Variants in CNTNAP2 observed in about 807,000 individuals in gnomAD.
CNTNAP2 encodes contactin-associated protein-like 2.
Under a neutral mutation model 155.2 loss-of-function variants are expected in CNTNAP2, and 98 were observed. The ratio of observed to expected loss-of-function variants is 0.63; its 90% CI spans 0.54 to 0.75. The LOEUF (loss-of-function observed/expected upper bound fraction) is 0.75. Among genes scored for constraint, CNTNAP2 ranks in the 30% least tolerant of loss-of-function variants. The pLI, the probability that CNTNAP2 is intolerant of heterozygous loss-of-function variation, is 0.00. For missense variants in CNTNAP2, 1,727 were observed against 1,688.1 expected (o/e 1.02, Z -0.40); for synonymous variants, 651 against 631.2 (o/e 1.03, Z -0.47).
At chr7:146,224,832 T>A (rs1163001081) in intron 1 of CNTNAP2, among the ~76,000 whole-genome samples, 3 of 152,184 alleles carry the variant, frequency 2.0e-5, no homozygotes, top group African/African-American at 7.2e-5. Context: ...TGTCTTTTGT[T>A]TTGATCTCAG....
intron 13 of CNTNAP2, among the ~76,000 whole-genome samples, chr7:147,730,977 C>A: frequency 6.6e-6 from 1 of 152,084 alleles, no homozygotes; most frequent in East Asian, 1.9e-4. Context: ...CAGAGCAAGG[C>A]CCTAACTCTC....
chr7:147,514,244 C>A (rs925303030), intron 11 of CNTNAP2, among the ~76,000 whole-genome samples: 1 of 151,972 alleles, frequency 6.6e-6, no homozygotes, highest in African/African-American at 2.4e-5. Context: ...AATTAGATCA[C>A]AGTTTTTTGG....
intron 9 of CNTNAP2, among the ~76,000 whole-genome samples, chr7:147,359,666 A>G (rs1796115377): frequency 6.6e-6 from 1 of 152,072 alleles, no homozygotes; most frequent in African/African-American, 2.4e-5. Flanking sequence ...CTGCCCCAGG[A>G]TCTTTGCACT....
intron 15 of CNTNAP2, among the ~76,000 whole-genome samples, chr7:148,106,495 TATATATA>T (rs1185567159): frequency 0.016 from 255 of 15,902 alleles, 6 homozygotes; most frequent in African/African-American, 0.02. Context: ...CACTTTGAGA[TATATATA>T]TATATATATA....
intron 3 of CNTNAP2, among the ~76,000 whole-genome samples, chr7:146,862,642 A>T (rs1051616954): frequency 6.6e-6 from 1 of 152,222 alleles, no homozygotes; most frequent in African/African-American, 2.4e-5. Context: ...GATATCACAG[A>T]CAACTCTCAA....
chr7:147,090,699 T>A (rs1474566429), intron 4 of CNTNAP2, among the ~76,000 whole-genome samples: 1 of 152,186 alleles, frequency 6.6e-6, no homozygotes, highest in Non-Finnish European at 1.5e-5. Context: ...TTAAAACAAT[T>A]GATATAATTA....
rs143592610 is a variant in CNTNAP2 at position 147,011,444 on chromosome 7, A to AG, written c.403-32461dup. 4.5e-3 allele frequency among the ~76,000 whole-genome samples: 578 copies of AG among 127,598 alleles called. 79 individuals are homozygous for AG. Among genetic ancestry groups the AG allele is most frequent in the South Asian group, 0.014 (55 of 3,796 alleles). 83.7% of individuals were successfully genotyped at this position (127,598 alleles called of 152,430 possible). On this transcript the variant is annotated intron_variant, in intron 3 of 23. Transcript: ENST00000361727. ...AAAAAAAAAAAAAAAAAAAAAAAAA[A>AG]GGAACAAGGTTGTGAGGGTAACAGA... is the stretch of plus-strand genomic sequence containing the variant.
chr7:148,039,209 C>T (rs1802625301), intron 15 of CNTNAP2, among the ~76,000 whole-genome samples: 1 of 152,144 alleles, frequency 6.6e-6, no homozygotes, highest in Non-Finnish European at 1.5e-5. Context: ...GCCTGAGAAC[C>T]CAGGTGGCCA....
chr7:147,035,851 A>G (rs1399888643), intron 3 of CNTNAP2, among the ~76,000 whole-genome samples: 1 of 130,492 alleles, frequency 7.7e-6, no homozygotes, highest in Non-Finnish European at 1.7e-5. Context: ...TTCAAACCCC[A>G]TAATAGTAAA....
At chr7:147,077,735 A>C (rs1345140186) in intron 4 of CNTNAP2, among the ~76,000 whole-genome samples, 2 of 152,114 alleles carry the variant, frequency 1.3e-5, no homozygotes, top group African/African-American at 2.4e-5. Flanking sequence ...TCTGTGCCTC[A>C]GTTTTCTTAC....
At chr7:147,130,450 C>T (rs923206468) in intron 7 of CNTNAP2, among the ~76,000 whole-genome samples, 3 of 151,494 alleles carry the variant, frequency 2.0e-5, no homozygotes, top group African/African-American at 4.9e-5. Context: ...AGACTCTGTC[C>T]CCCCAAAAAT....
intron 1 of CNTNAP2, among the ~76,000 whole-genome samples, chr7:146,607,179 TAGTC>T (rs1375516146): frequency 2.0e-5 from 3 of 152,188 alleles, no homozygotes; most frequent in Non-Finnish European, 4.4e-5. Context: ...GAAACAGTGA[TAGTC>T]TGTCAAAGTT....
intron 3 of CNTNAP2, among the ~76,000 whole-genome samples, chr7:146,842,993 A>ATTTTTTTT (rs1257696854): frequency 1.1e-3 from 27 of 24,226 alleles, no homozygotes; most frequent in Non-Finnish European, 1.9e-3. Context: ...CCTGTCCCAC[A>ATTTTTTTT]CTTTTTTTTT....
At chr7:147,241,951 C>T (rs1382837757) in intron 8 of CNTNAP2, among the ~76,000 whole-genome samples, 1 of 152,202 alleles carries the variant, frequency 6.6e-6, no homozygotes, top group South Asian at 2.1e-4. Flanking sequence ...TATTGAAACA[C>T]GTTTATAAAG....
intron 1 of CNTNAP2, among the ~76,000 whole-genome samples, chr7:146,637,298 C>T (rs1223124563): frequency 6.6e-6 from 1 of 152,170 alleles, no homozygotes; most frequent in Admixed American, 6.5e-5. Flanking sequence ...ACATATTACA[C>T]ATGAAAACTA....
intron 3 of CNTNAP2, among the ~76,000 whole-genome samples, chr7:146,905,487 G>A (rs905242120): frequency 6.6e-6 from 1 of 152,126 alleles, no homozygotes; most frequent in South Asian, 2.1e-4. Context: ...GAAGTTTGGA[G>A]TAAAATTCTT....
At chr7:147,054,772 A>G (rs1427160041) in intron 4 of CNTNAP2, among the ~76,000 whole-genome samples, 1 of 152,168 alleles carries the variant, frequency 6.6e-6, no homozygotes, top group Non-Finnish European at 1.5e-5. Context: ...AGCAATTTAA[A>G]TTACTTGAAT....
chr7:146,852,832 A>C (rs1402266698), intron 3 of CNTNAP2, among the ~76,000 whole-genome samples: 1 of 152,166 alleles, frequency 6.6e-6, no homozygotes, highest in Non-Finnish European at 1.5e-5. Flanking sequence ...CATTCCCTCC[A>C]CTTCAGATAT....
At chr7:147,381,530 A>G (rs897539602) in intron 9 of CNTNAP2, among the ~76,000 whole-genome samples, 1 of 152,102 alleles carries the variant, frequency 6.6e-6, no homozygotes, top group African/African-American at 2.4e-5. Context: ...CATTTTCTCT[A>G]TTTATCAATA....
Sources: gnomAD v4.1 joint callset for allele counts (sites outside exome capture counted in the v4.1 genomes callset) on GRCh38, gnomAD v4.1.1 for gene constraint, MANE v1.5 for transcripts, NCBI Gene and HGNC (gene_info 2026-07-23, HGNC 2026-07-21) for gene names.